MICAL1: variants seen among roughly 807,000 people sequenced by gnomAD.
The protein encoded by MICAL1 is [F-actin]-monooxygenase MICAL1.
In MICAL1, 95 loss-of-function variants were observed where a neutral mutation model predicts 131.8. The observed-to-expected ratio is 0.72, with a 90% CI of 0.61 to 0.86. MICAL1 has a LOEUF of 0.86. Ranked by LOEUF, MICAL1 falls within the 40% of genes least tolerant of loss-of-function variation. MICAL1 has a pLI of 0.00. For synonymous variants in MICAL1, 546 were observed against 554.2 expected, an observed-to-expected ratio of 0.99 and a Z score of 0.21; for missense variants, 1,292 against 1,380.6, an observed-to-expected ratio of 0.94 and a Z score of 1.02.
At chr6:109,454,418 C>T (rs2115340561) in intron 1 of MICAL1, among the ~76,000 whole-genome samples, 179 bp from the exon 2 acceptor site, 1 of 152,272 alleles carries the variant, frequency 6.6e-6, no homozygotes, top group East Asian at 1.9e-4. Flanking sequence ...CTATCCAGTC[C>T]ACTCCAAGTG....
In MICAL1 at chr6:109,444,554, T is replaced by C. The variant is rs570252668; in HGVS notation, c.3055+171A>G. ...TATACAAAAGCCAACTGTGCAGCTC[T>C]GATTGAACTGAAGTGAGAAGGGGCT... On this transcript the variant is annotated intron_variant, in intron 24 of 24. Transcript: ENST00000358807. 2.6e-5 allele frequency among the ~76,000 whole-genome samples: 4 copies of C among 152,348 alleles called. No homozygotes were observed. In the South Asian group the frequency reaches 8.3e-4, roughly 32 times the overall value.
rs1042557497 is a variant in MICAL1 at position 109,446,315 on chromosome 6, G to C, written c.2402C>G (p.Pro801Arg). 1.9e-6 allele frequency: 3 copies of C among 1,613,838 alleles called. No homozygotes were observed. In the African/African-American group the frequency reaches 4.0e-5, roughly 22 times the overall value. Residue 801 changes from proline to arginine, a missense_variant, in exon 19 of 25, where the codon CCC becomes CGC. By Grantham distance (103) the Pro-to-Arg change is moderately radical. Transcript: ENST00000358807. Reference protein sequence around the residue: ...GAGPVPDPSQPTRRQIRLSSP... With the variant: ...GAGPVPDPSQRTRRQIRLSSP... ...GGAGAGGCGGATCTGCCGACGGGTG[G>C]GCTGGCTGGGATCTGGAACAGGACC...
intron 18 of MICAL1, 54 bp downstream of exon 18, chr6:109,446,642 A>G (rs1775234630): frequency 6.3e-7 from 1 of 1,575,716 alleles, no homozygotes; most frequent in African/African-American, 1.3e-5. Flanking sequence ...TGGTTTGACG[A>G]GACCCTCTTC....
Position 109,447,900 on chromosome 6 carries a change from C to T in MICAL1, c.1919G>A (p.Arg640Lys), listed in dbSNP as rs2115328832. Residue 640 changes from arginine to lysine, a missense_variant, in exon 14 of 25, where the codon AGG (arginine) becomes AAG (lysine). Coordinates refer to ENST00000358807, the MANE Select transcript of MICAL1 (RefSeq NM_022765.4). ...SAVLFLSKLQ[R>K]TLQRSRAKEN... ...CTTGGCCCGGGATCGCTGCAGGGTCCTCTGAAGTTTACTAAGGAATAATAC... is the reference window on the plus strand; with the variant it reads ...CTTGGCCCGGGATCGCTGCAGGGTCTTCTGAAGTTTACTAAGGAATAATAC... 6.2e-7 allele frequency: 1 copy of T among 1,613,454 alleles called. No individual in the cohort carries two copies. Among genetic ancestry groups the T allele is most frequent in the East Asian group, 2.2e-5 (1 of 44,868 alleles).
chr6:109,445,173 G>A (rs756377510), intron 22 of MICAL1, 24 bp downstream of exon 22: 2 of 1,611,358 alleles, frequency 1.2e-6, no homozygotes, highest in East Asian at 4.5e-5. Context: ...AGAAGGCAGA[G>A]GGGTGTCCTA....
At chr6:109,449,586 G>A in intron 10 of MICAL1, 71 bp downstream of exon 10, 1 of 1,600,534 alleles carries the variant, frequency 6.2e-7, no homozygotes, top group Non-Finnish European at 8.5e-7. Context: ...GGCAGCGACT[G>A]GGCAGGGAGG....
chr6:109,449,013 A>G, intron 11 of MICAL1, 134 bp from the exon 12 acceptor site: 2 of 1,165,328 alleles, frequency 1.7e-6, no homozygotes, highest in Non-Finnish European at 2.4e-6. Context: ...GCACCAGCCT[A>G]AAGCTGACTA....
chr6:109,458,687 G>C (rs1292535923), upstream of MICAL1, among the ~76,000 whole-genome samples: 1 of 152,132 alleles, frequency 6.6e-6, no homozygotes, highest in Non-Finnish European at 1.5e-5. Context: ...ATTACGACAG[G>C]ATCCTCCTTC....
At chr6:109,448,672 T>C in intron 12 of MICAL1, 60 bp downstream of exon 12, 1 of 1,595,774 alleles carries the variant, frequency 6.3e-7, no homozygotes, top group Non-Finnish European at 8.6e-7. Context: ...AGGATTCAAC[T>C]GGATATGCTA....
upstream of MICAL1, chr6:109,456,070 G>A: frequency 1.0e-6 from 1 of 973,928 alleles, no homozygotes; most frequent in Non-Finnish European, 1.2e-6. Flanking sequence ...GGTGGGTCTG[G>A]CCTGTTGGGG....
chr6:109,452,199 C>A, intron 6 of MICAL1, 47 bp downstream of exon 6: 1 of 1,576,818 alleles, frequency 6.3e-7, no homozygotes, highest in Non-Finnish European at 8.6e-7. Flanking sequence ...AGGAGCCAGG[C>A]CACAGTCAGG....
intron 17 of MICAL1, 104 bp downstream of exon 17, chr6:109,446,969 C>T (rs1303178611): frequency 9.2e-6 from 13 of 1,419,374 alleles, no homozygotes; most frequent in Non-Finnish European, 1.2e-5. Context: ...AACGAAGTGC[C>T]ATCTTGAGCC....
intron 4 of MICAL1, 63 bp downstream of exon 4, chr6:109,453,200 T>A: frequency 7.3e-7 from 1 of 1,369,544 alleles, no homozygotes; most frequent in African/African-American, 1.4e-5. Flanking sequence ...CCATCCTTTT[T>A]CAGACACTGG....
Position 109,448,820 on chromosome 6 carries a change from G to A in MICAL1, c.1576C>T (p.Pro526Ser). 1 of 1,614,038 alleles carries A rather than the reference G, an allele frequency of 6.2e-7. No individual in the cohort carries two copies. Among genetic ancestry groups the A allele is most frequent in the Non-Finnish European group, 8.5e-7 (1 of 1,179,994 alleles). ...RWCQEQTAGY[P>S]GVHVSDLSSS... Reference sequence around the variant, plus strand: ...GACAAATCGGAGACGTGGACTCCCGGGTACCCAGCTGTCTGCTCCTGGCAC... The same window carrying A: ...GACAAATCGGAGACGTGGACTCCCGAGTACCCAGCTGTCTGCTCCTGGCAC... Residue 526 changes from proline (P) to serine (S), a missense_variant, in exon 12 of 25, where the codon CCG (proline) becomes TCG (serine). Physicochemically the swap from Pro to Ser is moderately conservative, Grantham distance 74. Coordinates refer to ENST00000358807, the MANE Select transcript of MICAL1 (RefSeq NM_022765.4).
intron 7 of MICAL1, among the ~76,000 whole-genome samples, chr6:109,451,388 A>T (rs1775535079): frequency 6.6e-6 from 1 of 152,126 alleles, no homozygotes; most frequent in African/African-American, 2.4e-5. Flanking sequence ...TCCTGACCTC[A>T]GGTGATCCAC....
chr6:109,450,092 T>G lies in MICAL1; in HGVS notation c.1192-7A>C. ...TGCCCAGGGGCCAGAAGGGCTGCAG[T>G]GTCAGAGGAATAGGAAGCAGCTCAG... is the stretch of plus-strand genomic sequence containing the variant. On this transcript the variant is annotated splice_region_variant and splice_polypyrimidine_tract_variant and intron_variant, in intron 8 of 24. Transcript: ENST00000358807. The G allele has an allele frequency of 1.2e-6, 2 of 1,612,044 alleles. No homozygotes were observed. The highest frequency in any genetic ancestry group is 1.7e-4 in the Middle Eastern group (1 of 6,046).
chr6:109,448,421 C>T (rs750397479), intron 12 of MICAL1, 28 bp from the exon 13 acceptor site: 5 of 1,610,156 alleles, frequency 3.1e-6, no homozygotes, highest in Admixed American at 1.7e-5. Flanking sequence ...GAAAAGCCAA[C>T]TAGAGACAAG....
At chr6:109,459,977 A>G (rs769430868), upstream of MICAL1, among the ~76,000 whole-genome samples, 6 of 152,220 alleles carry the variant, frequency 3.9e-5, no homozygotes, top group Non-Finnish European at 2.9e-5. Context: ...TCTTTGAATT[A>G]TATTTAAAGT....
intron 18 of MICAL1, 30 bp downstream of exon 18, chr6:109,446,666 C>G: frequency 6.2e-7 from 1 of 1,606,588 alleles, no homozygotes; most frequent in Non-Finnish European, 8.5e-7. Context: ...TTCCCATGCC[C>G]CAATATACAT....
Sources: gnomAD v4.1 joint callset for allele counts (sites outside exome capture counted in the v4.1 genomes callset) on GRCh38, gnomAD v4.1.1 for gene constraint, MANE v1.5 for transcripts, NCBI Gene and HGNC (gene_info 2026-07-23, HGNC 2026-07-21) for gene names.